NPTN: variants seen among roughly 807,000 people sequenced by gnomAD.
NPTN encodes the protein neuroplastin.
NPTN carries 5 observed loss-of-function variants against 42.7 expected under a neutral mutation model. The observed-to-expected ratio is 0.12, with a 90% CI of 0.06 to 0.25. The LOEUF is 0.25. Among genes scored for constraint, NPTN ranks in the 10% least tolerant of loss-of-function variants. The pLI is 1.00. For missense variants in NPTN, 307 were observed against 525.4 expected (o/e 0.58, Z 4.06); for synonymous variants, 180 against 201.9 (o/e 0.89, Z 0.92).
At chr15:73,617,927 C>T (rs1469526119) in intron 1 of NPTN, among the ~76,000 whole-genome samples, 2 of 152,176 alleles carry the variant, frequency 1.3e-5, no homozygotes, top group Non-Finnish European at 2.9e-5. Context: ...GCCCTTTCAT[C>T]CTCCAGCTGT....
At chr15:73,591,938 C>G (rs1166734735) in intron 3 of NPTN, 28 bp downstream of exon 3, 1 of 1,589,082 alleles carries the variant, frequency 6.3e-7, no homozygotes, top group Admixed American at 1.7e-5. Flanking sequence ...TCCCTCCCAC[C>G]TTCCCAGGAG....
intron 6 of NPTN, chr15:73,567,097 C>T (rs1014477981): frequency 4.1e-6 from 4 of 972,522 alleles, no homozygotes; most frequent in South Asian, 4.8e-5. Flanking sequence ...TCTAGTGAAA[C>T]ATACTTAAAC....
chr15:73,606,364 A>G (rs369646137), intron 1 of NPTN, among the ~76,000 whole-genome samples: 1 of 152,306 alleles, frequency 6.6e-6, no homozygotes, highest in East Asian at 1.9e-4. Flanking sequence ...TTTCAGGGGA[A>G]TTTTAGGTAA....
intron 1 of NPTN, among the ~76,000 whole-genome samples, chr15:73,614,157 CAAA>C (rs577170874): frequency 1.4e-5 from 1 of 70,008 alleles, no homozygotes; most frequent in Admixed American, 1.5e-4. Context: ...ACAAAAAATA[CAAA>C]AAAAAAAAAA....
rs1894790758 is a variant in NPTN at position 73,563,250 on chromosome 15, TTCA to T, written c.1119_1121del (p.Asp373del). The T allele has an allele frequency of 3.7e-6, 6 of 1,607,118 alleles. No individual in the cohort carries two copies. The highest frequency in any genetic ancestry group is 5.1e-6 in the Non-Finnish European group (6 of 1,173,830). On this transcript the variant is annotated inframe_deletion, in exon 7 of 9. Transcript: ENST00000345330. ...AAAGTACTTACATTGGTCCAGCTGG[TTCA>T]TCATCTACATGGTGTTCAGTTTTTT...
intron 1 of NPTN, among the ~76,000 whole-genome samples, chr15:73,628,708 A>G (rs746071005): frequency 8.5e-5 from 13 of 152,170 alleles, no homozygotes; most frequent in Non-Finnish European, 1.6e-4. Context: ...GCACTTTTCT[A>G]ATTACATTTG....
intron 1 of NPTN, among the ~76,000 whole-genome samples, chr15:73,623,951 C>T (rs907958590): frequency 1.8e-4 from 27 of 152,196 alleles, no homozygotes; most frequent in African/African-American, 6.5e-4. Context: ...TCCCTGTGCT[C>T]TAGGCCATTG....
intron 4 of NPTN, among the ~76,000 whole-genome samples, chr15:73,583,296 C>G (rs1896148306): frequency 6.6e-6 from 1 of 152,192 alleles, no homozygotes; most frequent in Admixed American, 6.5e-5. Context: ...ACATGCTCAA[C>G]AGGGCACCAT....
intron 6 of NPTN, among the ~76,000 whole-genome samples, chr15:73,566,535 CAGA>C (rs1895017215): frequency 6.6e-6 from 1 of 152,148 alleles, no homozygotes; most frequent in Admixed American, 6.5e-5. Context: ...CTAAAATATC[CAGA>C]AGAACTGCAG....
chr15:73,581,238 T>C (rs1896026310), intron 4 of NPTN, among the ~76,000 whole-genome samples: 1 of 152,200 alleles, frequency 6.6e-6, no homozygotes, highest in Admixed American at 6.5e-5. Flanking sequence ...TCACCTTCTA[T>C]GGTCTTGCCT....
intron 2 of NPTN, among the ~76,000 whole-genome samples, chr15:73,595,564 G>A (rs571231922): frequency 1.3e-5 from 2 of 152,130 alleles, no homozygotes; most frequent in Admixed American, 1.3e-4. Flanking sequence ...TAGACTCAAG[G>A]CCCATGTCTT....
At chr15:73,562,618 A>C (rs1435678064) in intron 7 of NPTN, among the ~76,000 whole-genome samples, 1 of 152,146 alleles carries the variant, frequency 6.6e-6, no homozygotes, top group Non-Finnish European at 1.5e-5. Flanking sequence ...GATTCTGCCG[A>C]TCTTAGATTG....
At chr15:73,561,210 G>GCTAC (rs1363971648) in intron 8 of NPTN, among the ~76,000 whole-genome samples, 162 bp from the exon 9 acceptor site, 5 of 152,216 alleles carry the variant, frequency 3.3e-5, no homozygotes, top group African/African-American at 1.2e-4. Context: ...TGGCCCTGCT[G>GCTAC]CTACCTGGCC....
chr15:73,563,289 G>C (rs749645753), intron 6 of NPTN, 32 bp from the exon 7 acceptor site: 1 of 1,612,154 alleles, frequency 6.2e-7, no homozygotes, highest in South Asian at 1.1e-5. Flanking sequence ...AAAAATCCAT[G>C]AGAGATAAGA....
chr15:73,570,753 C>T lies in NPTN; in HGVS notation c.841-330G>A, dbSNP rs541506209. On this transcript the variant is annotated intron_variant, in intron 5 of 8. Coordinates refer to ENST00000345330, the MANE Select transcript of NPTN (RefSeq NM_012428.4). This position sits in a 1 kb window ranked among gnomAD's most constrained non-coding sequence, Gnocchi z 4.0. The stretch of plus-strand genomic sequence containing the variant: ...GTAAGAAACCACAGCAGAAAGAGGA[C>T]GGCAGAAGGAGGGGTACAACCCCTA... 1.2e-4 allele frequency among the ~76,000 whole-genome samples: 19 copies of T among 152,236 alleles called. No homozygotes were observed. The South Asian group carries it at 2.5e-3, about 20-fold the overall frequency.
intron 6 of NPTN, among the ~76,000 whole-genome samples, chr15:73,564,091 T>C (rs1304488107): frequency 6.6e-6 from 1 of 152,214 alleles, no homozygotes; most frequent in East Asian, 1.9e-4. Context: ...GATTTATAAG[T>C]CTTTCGTGTT....
chr15:73,582,982 C>G (rs983210983), intron 4 of NPTN, among the ~76,000 whole-genome samples: 3 of 152,152 alleles, frequency 2.0e-5, no homozygotes, highest in African/African-American at 7.2e-5. Flanking sequence ...TATTGTGGGA[C>G]CTTGTGACCA....
chr15:73,626,828 A>G (rs1436491749), intron 1 of NPTN, among the ~76,000 whole-genome samples: 1 of 152,200 alleles, frequency 6.6e-6, no homozygotes, highest in African/African-American at 2.4e-5. Context: ...ATCCAACCCT[A>G]ATACTTTCAG....
chr15:73,617,624 A>G (rs1897923995), intron 1 of NPTN, among the ~76,000 whole-genome samples: 1 of 152,196 alleles, frequency 6.6e-6, no homozygotes, highest in South Asian at 2.1e-4. Flanking sequence ...TTGAGAGTTC[A>G]AGACTTGACA....
Sources: allele counts gnomAD v4.1 joint callset (sites outside exome capture counted in the v4.1 genomes callset), GRCh38; gene constraint gnomAD v4.1.1; non-coding constraint Gnocchi (gnomAD v3.1); transcripts MANE v1.5; gene names NCBI Gene and HGNC (gene_info 2026-07-23, HGNC 2026-07-21).